The following ANO6 variants were observed in gnomAD, a reference collection of about 807,000 sequenced individuals.
ANO6 encodes anoctamin 6.
A neutral mutation model predicts 117.5 loss-of-function variants in ANO6; 106 were observed. The observed-to-expected ratio is 0.90, with a 90% CI of 0.77 to 1.06. The LOEUF is 1.06. Ranked by LOEUF, ANO6 falls within the 50% of genes least tolerant of loss-of-function variation. ANO6 has a pLI of 0.00. For synonymous variants in ANO6, 367 were observed against 385.1 expected, an observed-to-expected ratio of 0.95 and a Z score of 0.55; for missense variants, 955 against 1,121.1, an observed-to-expected ratio of 0.85 and a Z score of 2.12.
chr12:45,331,476 A>T, intron 3 of ANO6, 53 bp downstream of exon 3: 1 of 1,477,444 alleles, frequency 6.8e-7, no homozygotes. Context: ...TGTAACATGA[A>T]AAAACTGCTA....
intron 9 of ANO6, among the ~76,000 whole-genome samples, chr12:45,373,677 C>A (rs1185520975): frequency 1.3e-5 from 2 of 152,096 alleles, no homozygotes; most frequent in African/African-American, 4.8e-5. Flanking sequence ...AACAAAGACA[C>A]AACATACCGG....
chr12:45,330,781 G>A (rs990551355), intron 2 of ANO6, among the ~76,000 whole-genome samples: 1 of 151,948 alleles, frequency 6.6e-6, no homozygotes, highest in Admixed American at 6.6e-5. Context: ...GTATCTTTTG[G>A]CATTTGTTTG....
At chr12:45,420,242 C>A (rs1177546482) in intron 17 of ANO6, among the ~76,000 whole-genome samples, 1 of 152,022 alleles carries the variant, frequency 6.6e-6, no homozygotes, top group Non-Finnish European at 1.5e-5. Flanking sequence ...GGAAAACATG[C>A]AGTTTACCTT....
chr12:45,300,103 A>AT (rs1228852673), intron 1 of ANO6, among the ~76,000 whole-genome samples: 1 of 152,160 alleles, frequency 6.6e-6, no homozygotes, highest in African/African-American at 2.4e-5. Context: ...CTTTTAATGG[A>AT]TTAAGGGAAA....
At chr12:45,275,291 A>G (rs1938519481) in intron 1 of ANO6, among the ~76,000 whole-genome samples, 1 of 152,022 alleles carries the variant, frequency 6.6e-6, no homozygotes, top group Admixed American at 6.5e-5. Context: ...GCTCACTGCA[A>G]CCTCTGACTC....
intron 1 of ANO6, among the ~76,000 whole-genome samples, chr12:45,235,828 CTG>C (rs1416310620): frequency 6.6e-6 from 1 of 152,180 alleles, no homozygotes; most frequent in Admixed American, 6.5e-5. Context: ...ACTAGCATGC[CTG>C]TCTGTCTCTA....
intron 9 of ANO6, among the ~76,000 whole-genome samples, chr12:45,369,656 T>G (rs986353096): frequency 2.6e-5 from 4 of 152,188 alleles, no homozygotes; most frequent in Non-Finnish European, 5.9e-5. Context: ...AAAAGCACTT[T>G]TTCTGGCTTT....
At chr12:45,294,326 A>G (rs1939217305) in intron 1 of ANO6, among the ~76,000 whole-genome samples, 1 of 152,212 alleles carries the variant, frequency 6.6e-6, no homozygotes, top group African/African-American at 2.4e-5. Flanking sequence ...TAAATTGCCA[A>G]ATGTATAGTA....
intron 17 of ANO6, 25 bp downstream of exon 17, chr12:45,416,929 G>A (rs1386863287): frequency 6.2e-7 from 1 of 1,611,304 alleles, no homozygotes; most frequent in Non-Finnish European, 8.5e-7. Flanking sequence ...GCTTTACAGA[G>A]TAAAGACCTT....
intron 3 of ANO6, among the ~76,000 whole-genome samples, chr12:45,345,736 A>G (rs1941112246): frequency 6.6e-6 from 1 of 152,144 alleles, no homozygotes; most frequent in Non-Finnish European, 1.5e-5. Flanking sequence ...GTCATGGGTC[A>G]TAGAGTTGAT....
chr12:45,339,858 A>G (rs976225444), intron 3 of ANO6, among the ~76,000 whole-genome samples: 3 of 152,146 alleles, frequency 2.0e-5, no homozygotes, highest in African/African-American at 7.2e-5. Context: ...AGCACCATCA[A>G]TACTTTGCCT....
chr12:45,367,668 T>G lies in ANO6; in HGVS notation c.999-20T>G. On this transcript the variant is annotated intron_variant, in intron 8 of 19. Coordinates refer to ENST00000320560, the MANE Select transcript of ANO6 (RefSeq NM_001025356.3). ...CTGCTTTAAATTTTTTAAAATTAAG[T>G]TTTATTTCTCTCTTTTTAGCAAAGA... is the stretch of plus-strand genomic sequence containing the variant. 1 of 1,601,188 alleles carries G rather than the reference T, an allele frequency of 6.2e-7. No individual in the cohort carries two copies. Among genetic ancestry groups the G allele is most frequent in the Non-Finnish European group, 8.5e-7 (1 of 1,170,202 alleles).
intron 1 of ANO6, among the ~76,000 whole-genome samples, chr12:45,267,732 A>G (rs1184479825): frequency 6.6e-6 from 1 of 152,198 alleles, no homozygotes; most frequent in Non-Finnish European, 1.5e-5. Flanking sequence ...TGGAGGTTAC[A>G]GTGAGCTGAG....
intron 15 of ANO6, among the ~76,000 whole-genome samples, chr12:45,406,430 T>C (rs1172160201): frequency 6.6e-6 from 1 of 152,214 alleles, no homozygotes; most frequent in African/African-American, 2.4e-5. Context: ...GGAGAAATTT[T>C]TATAACAAAA....
intron 9 of ANO6, among the ~76,000 whole-genome samples, chr12:45,375,393 C>T (rs1291704240): frequency 6.6e-6 from 1 of 152,178 alleles, no homozygotes; most frequent in East Asian, 1.9e-4. Context: ...GCCCGCATAG[C>T]CAAGTCATTC....
chr12:45,269,504 CAT>C (rs768002604), intron 1 of ANO6, among the ~76,000 whole-genome samples: 15 of 152,296 alleles, frequency 9.8e-5, no homozygotes, highest in East Asian at 1.9e-4. Context: ...GCAGGAAAAA[CAT>C]AATTTAGCAA....
chr12:45,371,132 C>T (rs528321332), intron 9 of ANO6, among the ~76,000 whole-genome samples: 11 of 152,290 alleles, frequency 7.2e-5, no homozygotes, highest in East Asian at 3.9e-4. Flanking sequence ...CACTCCCACC[C>T]GAATACTGCG....
chr12:45,348,669 G>C, intron 6 of ANO6, 38 bp downstream of exon 6: 1 of 1,456,072 alleles, frequency 6.9e-7, no homozygotes, highest in Non-Finnish European at 9.6e-7. Flanking sequence ...AAGGCCTTCT[G>C]TATACTCTGG....
At chr12:45,266,714 T>C (rs1413703951) in intron 1 of ANO6, among the ~76,000 whole-genome samples, 1 of 152,072 alleles carries the variant, frequency 6.6e-6, no homozygotes, top group Non-Finnish European at 1.5e-5. Flanking sequence ...GGAGGATTGC[T>C]TGATCCCAGG....
Sources: gnomAD v4.1 joint callset for allele counts (sites outside exome capture counted in the v4.1 genomes callset) on GRCh38, gnomAD v4.1.1 for gene constraint, MANE v1.5 for transcripts, NCBI Gene and HGNC (gene_info 2026-07-23, HGNC 2026-07-21) for gene names.